The following DBNL variants were observed in gnomAD, a reference collection of about 807,000 sequenced individuals.
The protein encoded by DBNL is drebrin-like protein.
Under a neutral mutation model 62.2 loss-of-function variants are expected in DBNL, and 35 were observed. The ratio of observed to expected loss-of-function variants is 0.56; its 90% confidence interval spans 0.43 to 0.75. DBNL has a LOEUF of 0.75. Ranked by LOEUF, DBNL falls within the 30% of genes least tolerant of loss-of-function variation. The pLI is 0.00. For missense variants in DBNL, 495 were observed against 578.4 expected, an observed-to-expected ratio of 0.86 and a Z score of 1.48; for synonymous variants, 197 against 218.0, an observed-to-expected ratio of 0.90 and a Z score of 0.85.
In DBNL at chr7:44,050,185, C is replaced by G. The variant is rs112633419; in HGVS notation, c.84-40C>G. On this transcript the variant is annotated intron_variant, in intron 1 of 12. Coordinates refer to ENST00000448521, the MANE Select transcript of DBNL (RefSeq NM_001014436.3). The stretch of plus-strand genomic sequence containing the variant: ...GGATACGGTGAGGAGAGATGGAACC[C>G]AAGGTGCTGGCTACAGAGCTCACTT... The G allele has an allele frequency of 3.9e-4, 636 of 1,610,330 alleles. 3 individuals are homozygous for G. The African/African-American group carries it at 6.9e-3, about 17-fold the overall frequency.
chr7:44,066,372 G>A lies in DBNL; in HGVS notation c.*5456G>A, dbSNP rs1451614893. 1 of 152,550 alleles carries A rather than the reference G, an allele frequency of 6.6e-6. No individual in the cohort carries two copies. The highest frequency in any genetic ancestry group is 1.5e-5 in the Non-Finnish European group (1 of 68,298). 9.4% of individuals were successfully genotyped at this position (152,550 alleles called of 1,614,324 possible). ...AGGAACCCACAACGTAGGCTGAAGG[G>A]TGGCACGGAGTTGAGTCTAGGACCA... On this transcript the variant is annotated 3_prime_UTR_variant, in exon 13 of 13. Coordinates refer to ENST00000448521, the MANE Select transcript of DBNL (RefSeq NM_001014436.3).
rs936491728 is a variant in DBNL at position 44,065,171 on chromosome 7, T to C, written c.*4255T>C. On this transcript the variant is annotated 3_prime_UTR_variant, in exon 13 of 13. Transcript: ENST00000448521. ...CTCGTCCATCGGGGGCGGCGGGATG[T>C]CGAAGGAGCGCCTCCAGATCTTCAC... is the stretch of plus-strand genomic sequence containing the variant. 3.1e-6 allele frequency: 5 copies of C among 1,613,828 alleles called. No homozygotes were observed. Among genetic ancestry groups the C allele is most frequent in the African/African-American group, 2.7e-5 (2 of 74,870 alleles).
intron 1 of DBNL, among the ~76,000 whole-genome samples, chr7:44,046,169 T>C (rs1049547382): frequency 6.8e-4 from 104 of 152,216 alleles, no homozygotes; most frequent in Admixed American, 6.8e-3. Context: ...GTGCCCCATT[T>C]TCATGTCCAC....
Position 44,059,222 on chromosome 7 carries a change from C to A in DBNL, c.836-132C>A. 1 of 1,000,082 alleles carries A rather than the reference C, an allele frequency of 1.0e-6. No individual in the cohort carries two copies. The highest frequency in any genetic ancestry group is 1.5e-6 in the Non-Finnish European group (1 of 679,608). The allele number at this position is 1,000,082 out of a possible 1,614,324, so 62.0% of individuals were successfully genotyped here. ...CACCACATAGCACATGGCCCTGGGG[C>A]CTCTGTTCCTGCACTAGCAAGAGCA... On this transcript the variant is annotated intron_variant, in intron 9 of 12. Transcript: ENST00000448521. The surrounding 1 kb of genome is among the most constrained non-coding windows in gnomAD (Gnocchi z 4.1).
rs995557281 is a variant in DBNL at position 44,068,403 on chromosome 7, C to T, written c.*7487C>T. 1 of 152,204 alleles carries T rather than the reference C, an allele frequency of 6.6e-6. No individual in the cohort carries two copies. The highest frequency in any genetic ancestry group is 2.4e-5 in the African/African-American group (1 of 41,430). 9.4% of individuals were successfully genotyped at this position (152,204 alleles called of 1,614,324 possible). On this transcript the variant is annotated 3_prime_UTR_variant, in exon 13 of 13. Transcript: ENST00000448521. ...CTGCCAAGCTGCGCACAGGGCTGAC[C>T]CTAGATGCACATTGCAGGTCCCAGA...
At chr7:44,051,737 G>A (rs2096126932) in intron 2 of DBNL, 93 bp from the exon 3 acceptor site, 2 of 1,175,662 alleles carry the variant, frequency 1.7e-6, no homozygotes, top group African/African-American at 1.5e-5. Flanking sequence ...AGAAGCCCTG[G>A]TTTAGAAGCA....
At position 44,050,227 on chromosome 7, in the gene DBNL, C is replaced by A. The variant is rs1395835745; in HGVS notation, c.86C>A (p.Ala29Asp). 3 of 1,613,536 alleles carry A rather than the reference C, an allele frequency of 1.9e-6. No homozygotes were observed. The African/African-American group carries it at 4.0e-5, about 22-fold the overall frequency. The change falls in exon 2 of 13, where the codon GCT (alanine) becomes GAT (aspartate). Residue 29 changes from alanine to aspartate, a missense_variant and splice_region_variant. By Grantham distance (126) the Ala-to-Asp change is moderately radical. Transcript: ENST00000448521. ...AGCTCACTTGTGTTTCGTTTCAGGGCTCTCTTTACCTATGAAGGCAACAGC... is the reference window on the plus strand; with the variant it reads ...AGCTCACTTGTGTTTCGTTTCAGGGATCTCTTTACCTATGAAGGCAACAGC... ...VVTEKSPTDW[A>D]LFTYEGNSND...
rs1209005739 is a variant in DBNL at position 44,068,808 on chromosome 7, CCACACAACTGGAT to C, written c.*7893_*7905del. ...CTTACAAACCAAGAAGCTCAGTGAA[CCACACAACTGGAT>C]AAATTAACAACAAAAGTCCAAGCTT... is the stretch of plus-strand genomic sequence containing the variant. On this transcript the variant is annotated 3_prime_UTR_variant, in exon 13 of 13. Transcript: ENST00000448521. The C allele has an allele frequency of 2.6e-5, 4 of 152,120 alleles. No individual in the cohort carries two copies. The highest frequency in any genetic ancestry group is 5.9e-5 in the Non-Finnish European group (4 of 68,032). 9.4% of individuals were successfully genotyped at this position (152,120 alleles called of 1,614,324 possible).
rs772158841 is a variant in DBNL, at chr7:44,051,777, G to C, written c.140-53G>C. The C allele has an allele frequency of 2.0e-5, 31 of 1,575,592 alleles. No individual in the cohort carries two copies. In the African/African-American group the frequency reaches 3.4e-4, roughly 17 times the overall value. ...GGCCTCCCTTCATGGTGGGACCAGGGCCAGCAGGGAATGTCAGGGCCACCC... is the reference window on the plus strand; with the variant it reads ...GGCCTCCCTTCATGGTGGGACCAGGCCCAGCAGGGAATGTCAGGGCCACCC... On this transcript the variant is annotated intron_variant, in intron 2 of 12. Coordinates refer to ENST00000448521, the MANE Select transcript of DBNL (RefSeq NM_001014436.3).
At chr7:44,057,036 A>T (rs994864203) in intron 5 of DBNL, 133 bp downstream of exon 5, 249 of 1,337,646 alleles carry the variant, frequency 1.9e-4, no homozygotes, top group Non-Finnish European at 2.4e-4. Context: ...GTAACCCCTG[A>T]GCTGTGGTGA....
At position 44,059,300 on chromosome 7, in the gene DBNL, G is replaced by A. The variant is rs949048389; in HGVS notation, c.836-54G>A. ...CAGGGTGGAGGGTGCTGTGGGGTGC[G>A]TGGGTGTGTGGTGGTGTTTCTGAAG... is the stretch of plus-strand genomic sequence containing the variant. On this transcript the variant is annotated intron_variant, in intron 9 of 12. Transcript: ENST00000448521. The surrounding 1 kb of genome is among the most constrained non-coding windows in gnomAD (Gnocchi z 4.1). 27 of 1,570,254 alleles carry A rather than the reference G, an allele frequency of 1.7e-5. No individual in the cohort carries two copies. The highest frequency in any genetic ancestry group is 9.5e-5 in the African/African-American group (7 of 74,046).
chr7:44,050,399 C>A, intron 2 of DBNL, 119 bp downstream of exon 2: 1 of 1,005,448 alleles, frequency 9.9e-7, no homozygotes, highest in African/African-American at 1.6e-5. Context: ...TGCTCACTGG[C>A]CACTTCTGGC....
rs1245238683 is a variant in DBNL at position 44,060,108 on chromosome 7, A to G, written c.1108A>G (p.Ser370Gly). 6.2e-7 allele frequency: 1 copy of G among 1,613,686 alleles called. No individual in the cohort carries two copies. The highest frequency in any genetic ancestry group is 8.5e-7 in the Non-Finnish European group (1 of 1,179,900). ...CCACCACATTCAGGGCCAGGGGCTC[A>G]GTGGGCAAGGGCTCTGTGCCCGTGC... ...IDHHIQGQGL[S>G]GQGLCARALY... Residue 370 changes from serine (S) to glycine (G), a missense_variant, in exon 12 of 13, where the codon AGT (serine) becomes GGT (glycine). Ser to Gly is a moderately conservative substitution (Grantham distance 56). Coordinates refer to ENST00000448521, the MANE Select transcript of DBNL (RefSeq NM_001014436.3). This position sits in a 1 kb window ranked among gnomAD's most constrained non-coding sequence, Gnocchi z 6.3.
chr7:44,058,428 G>C lies in DBNL; in HGVS notation c.705-4G>C. The C allele has an allele frequency of 6.2e-7, 1 of 1,614,232 alleles. No homozygotes were observed. Among genetic ancestry groups the C allele is most frequent in the Non-Finnish European group, 8.5e-7 (1 of 1,180,038 alleles). On this transcript the variant is annotated splice_polypyrimidine_tract_variant and splice_region_variant and intron_variant, in intron 7 of 12. Coordinates refer to ENST00000448521, the MANE Select transcript of DBNL (RefSeq NM_001014436.3). Reference sequence around the variant, plus strand: ...GCTGTGCCCCACCCGGCCCTTCCCAGCAGGACGTGGGAGCAGCAGCAAGAA... The same window carrying C: ...GCTGTGCCCCACCCGGCCCTTCCCACCAGGACGTGGGAGCAGCAGCAAGAA...
At position 44,065,181 on chromosome 7, in the gene DBNL, G is replaced by A. The variant is rs1224215042; in HGVS notation, c.*4265G>A. The A allele has an allele frequency of 1.8e-5, 29 of 1,613,880 alleles. No homozygotes were observed. The highest frequency in any genetic ancestry group is 2.2e-5 in the East Asian group (1 of 44,868). On this transcript the variant is annotated 3_prime_UTR_variant, in exon 13 of 13. Coordinates refer to ENST00000448521, the MANE Select transcript of DBNL (RefSeq NM_001014436.3). ...GGGGGCGGCGGGATGTCGAAGGAGC[G>A]CCTCCAGATCTTCACCTGCTCCTCC...
Position 44,064,749 on chromosome 7 carries a change from T to C in DBNL, c.*3833T>C, listed in dbSNP as rs937781824. ...CCCCACGCCTAGAAAGCCTGGTCCA[T>C]GGGCGAGAGACTTTGCTGAGATGAG... On this transcript the variant is annotated 3_prime_UTR_variant, in exon 13 of 13. Coordinates refer to ENST00000448521, the MANE Select transcript of DBNL (RefSeq NM_001014436.3). 1.8e-5 allele frequency: 22 copies of C among 1,230,554 alleles called. No individual in the cohort carries two copies. In the East Asian group the frequency reaches 4.5e-4, roughly 25 times the overall value. The allele number at this position is 1,230,554 out of a possible 1,614,324, so 76.2% of individuals were successfully genotyped here.
intron 1 of DBNL, among the ~76,000 whole-genome samples, chr7:44,046,025 G>A (rs928912096): frequency 6.6e-6 from 1 of 152,166 alleles, no homozygotes; most frequent in African/African-American, 2.4e-5. Context: ...ATTTACCCAC[G>A]TCAGTCAGTG....
Position 44,056,843 on chromosome 7 carries a change from C to G in DBNL, c.414C>G (p.Ala138=). 6.2e-7 allele frequency: 1 copy of G among 1,614,154 alleles called. No individual in the cohort carries two copies. The highest frequency in any genetic ancestry group is 8.5e-7 in the Non-Finnish European group (1 of 1,180,026). The change falls in exon 5 of 13, where the codon GCC becomes GCG. Residue 138 remains alanine (A), a synonymous_variant. Coordinates refer to ENST00000448521, the MANE Select transcript of DBNL (RefSeq NM_001014436.3). ...AGAAGGTGGCCAAGGCTTCAGGTGCCAACTACAGCTTTCACAAGGAGAGTG... is the reference window on the plus strand; with the variant it reads ...AGAAGGTGGCCAAGGCTTCAGGTGCGAACTACAGCTTTCACAAGGAGAGTG... ...IMEKVAKASG[A]NYSFHKESGR... is the part of the protein sequence containing the mutation.
chr7:44,046,245 A>G (rs1054888162), intron 1 of DBNL, among the ~76,000 whole-genome samples: 16 of 152,116 alleles, frequency 1.1e-4, no homozygotes, highest in African/African-American at 3.9e-4. Flanking sequence ...CAAATTAAAG[A>G]TTTTGCTTCT....
Sources: allele counts gnomAD v4.1 joint callset (sites outside exome capture counted in the v4.1 genomes callset), GRCh38; gene constraint gnomAD v4.1.1; non-coding constraint Gnocchi (gnomAD v3.1); transcripts MANE v1.5; gene names NCBI Gene and HGNC (gene_info 2026-07-23, HGNC 2026-07-21).